Variants in KDM4D observed in about 807,000 individuals in gnomAD.
KDM4D encodes lysine-specific demethylase 4D.
For missense variants in KDM4D, 427 were observed against 674.8 expected (o/e 0.63, Z 4.07); for synonymous variants, 254 against 249.1 (o/e 1.02, Z -0.19).
intron 2 of KDM4D, among the ~76,000 whole-genome samples, chr11:94,978,824 G>C (rs983253744): frequency 2.0e-5 from 3 of 152,142 alleles, no homozygotes; most frequent in African/African-American, 7.2e-5. Context: ...AACATTAATA[G>C]GGACAAAGAA....
chr11:94,997,218 G>T lies in KDM4D; in HGVS notation c.-155G>T. ...CTCACTAGTGAATAAACAAGCCCAA[G>T]AAAGATTATCATCTCATTTGCAAAA... On this transcript the variant is annotated 5_prime_UTR_variant, in exon 3 of 3. Transcript: ENST00000335080. The T allele has an allele frequency of 1.9e-6, 1 of 525,244 alleles. No individual in the cohort carries two copies. Among genetic ancestry groups the T allele is most frequent in the Non-Finnish European group, 3.2e-6 (1 of 314,960 alleles). The allele number at this position is 525,244 out of a possible 1,614,324, so 32.5% of individuals were successfully genotyped here.
At chr11:94,974,896 C>T (rs1857783511) in intron 1 of KDM4D, among the ~76,000 whole-genome samples, 1 of 152,126 alleles carries the variant, frequency 6.6e-6, no homozygotes, top group Non-Finnish European at 1.5e-5. Flanking sequence ...TGCATATAGC[C>T]AAGAGAGTGA....
At chr11:94,985,718 T>C (rs1857879719) in intron 2 of KDM4D, among the ~76,000 whole-genome samples, 1 of 152,188 alleles carries the variant, frequency 6.6e-6, no homozygotes, top group African/African-American at 2.4e-5. Flanking sequence ...CTAATTGCTA[T>C]AAGGATAAAC....
At chr11:94,994,553 G>A (rs1857960956) in intron 2 of KDM4D, among the ~76,000 whole-genome samples, 1 of 152,122 alleles carries the variant, frequency 6.6e-6, no homozygotes, top group Admixed American at 6.5e-5. Context: ...GAACCCAGAA[G>A]AAAGAAAAGA....
intron 2 of KDM4D, among the ~76,000 whole-genome samples, chr11:94,976,580 T>A (rs184894506): frequency 2.5e-4 from 38 of 152,294 alleles, no homozygotes; most frequent in South Asian, 1.7e-3. Flanking sequence ...TTTCTTATGA[T>A]CTATGAGGCC....
intron 2 of KDM4D, among the ~76,000 whole-genome samples, chr11:94,978,328 A>G (rs1200785007): frequency 6.6e-6 from 1 of 152,224 alleles, no homozygotes; most frequent in African/African-American, 2.4e-5. Context: ...CATGTCAGAA[A>G]TTACATTTTA....
At chr11:94,987,002 T>C (rs1386375859) in intron 2 of KDM4D, among the ~76,000 whole-genome samples, 1 of 152,236 alleles carries the variant, frequency 6.6e-6, no homozygotes, top group South Asian at 2.1e-4. Flanking sequence ...AAAATACTGA[T>C]ATATACTACA....
chr11:94,988,966 T>A (rs924374252), intron 2 of KDM4D, among the ~76,000 whole-genome samples: 1 of 152,166 alleles, frequency 6.6e-6, no homozygotes, highest in South Asian at 2.1e-4. Context: ...AGTCTAGATT[T>A]AAGTAAGCAT....
At chr11:94,984,090 A>C (rs1165481527) in intron 2 of KDM4D, among the ~76,000 whole-genome samples, 1 of 152,174 alleles carries the variant, frequency 6.6e-6, no homozygotes, top group Admixed American at 6.5e-5. Flanking sequence ...AACAGACCAT[A>C]TATAGTGTAT....
At chr11:94,983,743 T>C (rs75011479) in intron 2 of KDM4D, among the ~76,000 whole-genome samples, 3 of 151,800 alleles carry the variant, frequency 2.0e-5, no homozygotes, top group African/African-American at 7.3e-5. Context: ...CAACAACAAC[T>C]ACAATAATAA....
chr11:94,981,747 C>T (rs1000166412), intron 2 of KDM4D, among the ~76,000 whole-genome samples: 5 of 151,672 alleles, frequency 3.3e-5, no homozygotes, highest in African/African-American at 4.8e-5. Flanking sequence ...TCATTTTCAC[C>T]AGTCTTTTAA....
At chr11:94,987,178 A>G (rs2134112386) in intron 2 of KDM4D, among the ~76,000 whole-genome samples, 1 of 152,304 alleles carries the variant, frequency 6.6e-6, no homozygotes, top group Admixed American at 6.5e-5. Flanking sequence ...GTGAATGCAA[A>G]TGGAACAAGG....
At chr11:94,994,701 A>T (rs1336796556) in intron 2 of KDM4D, among the ~76,000 whole-genome samples, 2 of 150,670 alleles carry the variant, frequency 1.3e-5, no homozygotes, top group Non-Finnish European at 3.0e-5. Context: ...GTGAAGTGTA[A>T]CCCCTGGAGC....
At chr11:94,987,539 A>T (rs782206851) in intron 2 of KDM4D, among the ~76,000 whole-genome samples, 3 of 152,218 alleles carry the variant, frequency 2.0e-5, no homozygotes, top group Non-Finnish European at 2.9e-5. Context: ...AAAGGAAATG[A>T]ATAGGTTCCT....
intron 2 of KDM4D, among the ~76,000 whole-genome samples, chr11:94,985,849 G>A (rs1480692951): frequency 2.0e-5 from 3 of 152,112 alleles, no homozygotes; most frequent in East Asian, 1.9e-4. Flanking sequence ...GGAACAACTC[G>A]ATATCCACAT....
intron 2 of KDM4D, among the ~76,000 whole-genome samples, chr11:94,988,725 C>T (rs1410192845): frequency 3.3e-5 from 5 of 152,168 alleles, no homozygotes; most frequent in Non-Finnish European, 5.9e-5. Context: ...GGCTCCAATC[C>T]CTAGTCTCTG....
chr11:94,979,973 G>A lies in KDM4D; in HGVS notation c.-350+4225G>A, dbSNP rs587767083. 2.6e-5 allele frequency among the ~76,000 whole-genome samples: 4 copies of A among 152,230 alleles called. No individual in the cohort carries two copies. In the East Asian group the frequency reaches 5.8e-4, roughly 22 times the overall value. On this transcript the variant is annotated intron_variant, in intron 2 of 2. Transcript: ENST00000335080. ...CATTTCCCTGATTATTAATTCACAT[G>A]TTAATTGTCCATTTGGATTTCTTCT...
intron 2 of KDM4D, among the ~76,000 whole-genome samples, chr11:94,979,207 A>G (rs1292236481): frequency 6.6e-6 from 1 of 152,102 alleles, no homozygotes; most frequent in Non-Finnish European, 1.5e-5. Flanking sequence ...AACAAATGCC[A>G]ATGTATGCAT....
At chr11:94,982,621 A>T (rs1857851642) in intron 2 of KDM4D, among the ~76,000 whole-genome samples, 1 of 151,658 alleles carries the variant, frequency 6.6e-6, no homozygotes, top group African/African-American at 2.4e-5. Flanking sequence ...AGAAAATATT[A>T]TCTACGTGGA....
Sources: gnomAD v4.1 joint callset for allele counts (sites outside exome capture counted in the v4.1 genomes callset) on GRCh38, gnomAD v4.1.1 for gene constraint, MANE v1.5 for transcripts, NCBI Gene and HGNC (gene_info 2026-07-23, HGNC 2026-07-21) for gene names.